BSX: variants seen among roughly 807,000 people sequenced by gnomAD.
The protein encoded by BSX is brain-specific homeobox protein homolog.
In BSX, 12 loss-of-function variants were observed where a neutral mutation model predicts 16.9. The ratio of observed to expected loss-of-function variants is 0.71; its 90% CI spans 0.46 to 1.15. The LOEUF (loss-of-function observed/expected upper bound fraction) is 1.15, where lower values mean the gene tolerates loss of function less well. BSX is among the 50% of genes most tolerant of loss of function. The pLI is 0.00. For synonymous variants in BSX, 160 were observed against 136.4 expected, an observed-to-expected ratio of 1.17 and a Z score of -1.20; for missense variants, 292 against 311.8, an observed-to-expected ratio of 0.94 and a Z score of 0.48.
rs1301770873 is a variant in BSX, at chr11:122,977,643, G to C, written c.*6C>G. ...CCCTGCCTACTACCCTCCCCAGCCTGGCGGCTCAGAGCACGTGCGGCCCTG... is the reference window on the plus strand; with the variant it reads ...CCCTGCCTACTACCCTCCCCAGCCTCGCGGCTCAGAGCACGTGCGGCCCTG... On this transcript the variant is annotated 3_prime_UTR_variant, in exon 3 of 3. Transcript: ENST00000343035. The surrounding 1 kb of genome is among the most constrained non-coding windows in gnomAD (Gnocchi z 4.5). The C allele has an allele frequency of 6.2e-7, 1 of 1,605,940 alleles. No homozygotes were observed. The highest frequency in any genetic ancestry group is 1.3e-5 in the African/African-American group (1 of 74,844).
intron 2 of BSX, 32 bp downstream of exon 2, chr11:122,979,229 A>T (rs1352200011): frequency 6.3e-7 from 1 of 1,582,654 alleles, no homozygotes; most frequent in East Asian, 2.3e-5. Context: ...GGAACGAAGC[A>T]GAGATCAGGG....
chr11:122,978,000 T>C lies in BSX; in HGVS notation c.460-109A>G. On this transcript the variant is annotated intron_variant, in intron 2 of 2. Coordinates refer to ENST00000343035, the MANE Select transcript of BSX (RefSeq NM_001098169.2). This position sits in a 1 kb window ranked among gnomAD's most constrained non-coding sequence, Gnocchi z 4.5. ...CCGTTGATGAAGTATCCAAGAGCGGTGATAGCCTCAACTGCTCATAAGTTA... is the reference window on the plus strand; with the variant it reads ...CCGTTGATGAAGTATCCAAGAGCGGCGATAGCCTCAACTGCTCATAAGTTA... The C allele has an allele frequency of 6.6e-6, 9 of 1,356,844 alleles. No individual in the cohort carries two copies. The highest frequency in any genetic ancestry group is 9.3e-6 in the Non-Finnish European group (9 of 970,138). The allele number at this position is 1,356,844 out of a possible 1,614,324, so 84.1% of individuals were successfully genotyped here. A position where few individuals can be genotyped will look rare whatever the true frequency, so the allele number is the denominator to read the frequency against.
intron 2 of BSX, among the ~76,000 whole-genome samples, chr11:122,978,205 G>A (rs1864521760): frequency 6.6e-6 from 1 of 152,202 alleles, no homozygotes; most frequent in East Asian, 1.9e-4. Context: ...TCCTCTGATT[G>A]AGACATCTAA....
At chr11:122,981,329 C>T (rs1236207340) in intron 1 of BSX, 81 bp downstream of exon 1, 1 of 1,357,672 alleles carries the variant, frequency 7.4e-7, no homozygotes, top group African/African-American at 1.5e-5. Context: ...CTGGCCTTTC[C>T]TTGACTCCAT....
rs1453862624 is a variant in BSX, at chr11:122,977,709, T to C, written c.642A>G (p.Pro214=). The C allele has an allele frequency of 6.2e-7, 1 of 1,612,930 alleles. No homozygotes were observed. Among genetic ancestry groups the C allele is most frequent in the Non-Finnish European group, 8.5e-7 (1 of 1,179,830 alleles). Residue 214 remains proline (P), a synonymous_variant, in exon 3 of 3, where the codon CCA becomes CCG. Transcript: ENST00000343035. The surrounding 1 kb of genome is among the most constrained non-coding windows in gnomAD (Gnocchi z 4.5). ...CGTCTCCAATGTCCACCTCGTCCTC[T>C]GGCTCGGTCAGCACGAAGGGACCGG... is the stretch of plus-strand genomic sequence containing the variant. ...LPAGPFVLTE[P]EDEVDIGDEG...
At chr11:122,979,491 G>C in intron 1 of BSX, 34 bp from the exon 2 acceptor site, 1 of 1,572,064 alleles carries the variant, frequency 6.4e-7, no homozygotes. Flanking sequence ...TGGGCAGAGC[G>C]TGGGTCGCCG....
At chr11:122,979,511 C>A in intron 1 of BSX, 54 bp from the exon 2 acceptor site, 1 of 1,486,302 alleles carries the variant, frequency 6.7e-7, no homozygotes, top group Admixed American at 1.8e-5. Flanking sequence ...GGAGAGCAAT[C>A]TCCGCTCCGC....
chr11:122,980,780 AGCC>A (rs1190677672), intron 1 of BSX, among the ~76,000 whole-genome samples: 2 of 152,192 alleles, frequency 1.3e-5, no homozygotes, highest in Admixed American at 6.5e-5. Flanking sequence ...AGAGGAGGGT[AGCC>A]CAGACTAAGA....
At position 122,978,925 on chromosome 11, in the gene BSX, C is replaced by T. The variant is rs896931621; in HGVS notation, c.459+336G>A. Among the ~76,000 whole-genome samples, 6 of 151,342 alleles carry T rather than the reference C, an allele frequency of 4.0e-5. No homozygotes were observed. In the South Asian group the frequency reaches 1.2e-3, roughly 31 times the overall value. ...GGTTCAAGCGACTCTTCTGCCTCAG[C>T]CTCCCCAGTAGCTGGGATTACAGGC... On this transcript the variant is annotated intron_variant, in intron 2 of 2. Coordinates refer to ENST00000343035, the MANE Select transcript of BSX (RefSeq NM_001098169.2).
Position 122,977,877 on chromosome 11 carries a change from G to T in BSX, c.474C>A (p.Phe158Leu). ...SLSETQVKTW[F>L]QNRRMKHKKQ... ...TTTTATGCTTCATCCGCCGGTTCTG[G>T]AACCACGTTTTCACCTGATTTCGGG... Residue 158 changes from phenylalanine to leucine, a missense_variant, in exon 3 of 3, where the codon TTC becomes TTA. Phe to Leu is a conservative substitution (Grantham distance 22). This residue lies in a region of BSX where 9 missense variants were observed against 27.5 expected (regional missense o/e 0.33). Transcript: ENST00000343035. This position sits in a 1 kb window ranked among gnomAD's most constrained non-coding sequence, Gnocchi z 4.5. 1 of 1,613,756 alleles carries T rather than the reference G, an allele frequency of 6.2e-7. No individual in the cohort carries two copies. The highest frequency in any genetic ancestry group is 8.5e-7 in the Non-Finnish European group (1 of 1,179,952).
Position 122,981,785 on chromosome 11 carries a change from T to A in BSX, c.-114A>T. ...CACCCTCCGAGGCTCGAATCTCCGCTGCTCTCTCCCGGGCCTGGGCTACCC... is the reference window on the plus strand; with the variant it reads ...CACCCTCCGAGGCTCGAATCTCCGCAGCTCTCTCCCGGGCCTGGGCTACCC... On this transcript the variant is annotated 5_prime_UTR_variant, in exon 1 of 3. Transcript: ENST00000343035. 1 of 1,144,890 alleles carries A rather than the reference T, an allele frequency of 8.7e-7. No individual in the cohort carries two copies. Among genetic ancestry groups the A allele is most frequent in the Non-Finnish European group, 1.2e-6 (1 of 827,610 alleles). 70.9% of individuals were successfully genotyped at this position (1,144,890 alleles called of 1,614,324 possible). A position where few individuals can be genotyped will look rare whatever the true frequency, so the allele number is the denominator to read the frequency against.
intron 1 of BSX, among the ~76,000 whole-genome samples, chr11:122,979,953 A>C (rs1403691252): frequency 6.6e-6 from 1 of 151,934 alleles, no homozygotes; most frequent in Non-Finnish European, 1.5e-5. Context: ...TTGCCTCCAA[A>C]CCTTACTGAA....
intron 1 of BSX, 136 bp from the exon 2 acceptor site, chr11:122,979,593 C>T (rs1366188245): frequency 1.6e-6 from 1 of 636,492 alleles, no homozygotes; most frequent in African/African-American, 1.9e-5. Flanking sequence ...GCCCCAAAGC[C>T]CCTCAAGCCT....
chr11:122,979,264 C>A lies in BSX; in HGVS notation c.456G>T (p.Thr152=), dbSNP rs371265047. The change falls in exon 2 of 3, where the codon ACG becomes ACT. Residue 152 remains threonine (T), a synonymous_variant. Coordinates refer to ENST00000343035, the MANE Select transcript of BSX (RefSeq NM_001098169.2). ...ELATALSLSE[T]QVKTWFQNRR... Reference sequence around the variant, plus strand: ...GCCTCCCTCTCCTCCCGCCCACCTGCGTCTCGGACAGGCTGAGGGCCGTGG... The same window carrying A: ...GCCTCCCTCTCCTCCCGCCCACCTGAGTCTCGGACAGGCTGAGGGCCGTGG... 3 of 1,609,218 alleles carry A rather than the reference C, an allele frequency of 1.9e-6. No individual in the cohort carries two copies. Among genetic ancestry groups the A allele is most frequent in the African/African-American group, 2.7e-5 (2 of 74,826 alleles).
At position 122,981,422 on chromosome 11, in the gene BSX, G is replaced by T; in HGVS notation, c.250C>A (p.Leu84Ile). 6.5e-7 allele frequency: 1 copy of T among 1,538,018 alleles called. No individual in the cohort carries two copies. Among genetic ancestry groups the T allele is most frequent in the East Asian group, 2.3e-5 (1 of 42,586 alleles). The change falls in exon 1 of 3, where the codon CTC becomes ATC. Residue 84 changes from leucine to isoleucine, a missense_variant. Coordinates refer to ENST00000343035, the MANE Select transcript of BSX (RefSeq NM_001098169.2). ...TCCTGTTACTTACCCGAGGTGGTGA[G>T]GAAATAAGGATGATGGTGGTCTCCC... ...HKGDHHHPYF[L>I]TTSGMPVPAL... is the part of the protein sequence containing the mutation.
chr11:122,981,650 G>A lies in BSX; in HGVS notation c.22C>T (p.Pro8Ser), dbSNP rs1439418098. The A allele has an allele frequency of 1.9e-6, 3 of 1,591,864 alleles. No individual in the cohort carries two copies. Among genetic ancestry groups the A allele is most frequent in the Admixed American group, 1.8e-5 (1 of 56,656 alleles). The change falls in exon 1 of 3, where the codon CCT (proline) becomes TCT (serine). Residue 8 changes from proline (P) to serine (S), a missense_variant. Pro to Ser is a moderately conservative substitution (Grantham distance 74). This residue lies in a region of BSX where 176 missense variants were observed against 187.2 expected (regional missense o/e 0.94). Coordinates refer to ENST00000343035, the MANE Select transcript of BSX (RefSeq NM_001098169.2). MNLNFTSPLHPASSQRPT... is the reference protein window; with the variant it reads MNLNFTSSLHPASSQRPT... Reference sequence around the variant, plus strand: ...CTCTGAGAAGACGCCGGGTGTAGAGGAGAGGTGAAGTTGAGATTCATCTTG... The same window carrying A: ...CTCTGAGAAGACGCCGGGTGTAGAGAAGAGGTGAAGTTGAGATTCATCTTG...
intron 2 of BSX, 146 bp from the exon 3 acceptor site, chr11:122,978,037 C>A (rs1164468491): frequency 4.2e-6 from 4 of 946,780 alleles, no homozygotes; most frequent in Admixed American, 5.0e-5. Context: ...CGCCTTAAGC[C>A]GAATGAGAAT....
At chr11:122,980,723 A>G (rs1263227180) in intron 1 of BSX, among the ~76,000 whole-genome samples, 1 of 152,198 alleles carries the variant, frequency 6.6e-6, no homozygotes, top group African/African-American at 2.4e-5. Flanking sequence ...GACCAGAGAA[A>G]TCAAAATACT....
chr11:122,978,672 G>A (rs1007268969), intron 2 of BSX, among the ~76,000 whole-genome samples: 1 of 152,234 alleles, frequency 6.6e-6, no homozygotes, highest in African/African-American at 2.4e-5. Context: ...TTAACCTGGA[G>A]GTGGTCGTCA....
Sources: allele counts gnomAD v4.1 joint callset (sites outside exome capture counted in the v4.1 genomes callset), GRCh38; gene constraint gnomAD v4.1.1; regional missense constraint gnomAD v4.1.1; non-coding constraint Gnocchi (gnomAD v3.1); transcripts MANE v1.5; gene names NCBI Gene and HGNC (gene_info 2026-07-23, HGNC 2026-07-21).